TCERG1L: variants seen among roughly 807,000 people sequenced by gnomAD.
TCERG1L encodes transcription elongation regulator 1 like.
A neutral mutation model predicts 56.3 loss-of-function variants in TCERG1L; 37 were observed. The ratio of observed to expected loss-of-function variants is 0.66; its 90% CI spans 0.51 to 0.87. The LOEUF is 0.87. Among genes scored for constraint, TCERG1L ranks in the 40% least tolerant of loss-of-function variants. The probability of loss-of-function intolerance (pLI) is 0.00; values close to 1 mark genes in which losing one functional copy is unlikely to be tolerated. For synonymous variants in TCERG1L, 324 were observed against 326.3 expected (o/e 0.99, Z 0.08); for missense variants, 799 against 774.2 (o/e 1.03, Z -0.38).
In TCERG1L at chr10:131,311,310, G is replaced by A; in HGVS notation, c.326C>T (p.Pro109Leu). The A allele has an allele frequency of 3.3e-6, 4 of 1,207,316 alleles. No individual in the cohort carries two copies. The highest frequency in any genetic ancestry group is 8.3e-5 in the South Asian group (2 of 24,198). 74.8% of individuals were successfully genotyped at this position (1,207,316 alleles called of 1,614,324 possible). A position where few individuals can be genotyped will look rare whatever the true frequency, so the allele number is the denominator to read the frequency against. Residue 109 changes from proline (P) to leucine (L), a missense_variant, in exon 1 of 12, where the codon CCC (proline) becomes CTC (leucine). Physicochemically the swap from Pro to Leu is moderately conservative, Grantham distance 98 (BLOSUM62 -3). Transcript: ENST00000368642. The surrounding 1 kb of genome is among the most constrained non-coding windows in gnomAD (Gnocchi z 4.0). ...SAAAAAAHPF[P>L]ALHGQWLFGG... Reference sequence around the variant, plus strand: ...ACACGTTACCTGCCCGTGGAGCGCGGGGAAGGGGTGCGCGGCGGCGGCGGC... The same window carrying A: ...ACACGTTACCTGCCCGTGGAGCGCGAGGAAGGGGTGCGCGGCGGCGGCGGC...
chr10:131,101,709 T>C (rs1845305721), intron 10 of TCERG1L, among the ~76,000 whole-genome samples: 1 of 152,074 alleles, frequency 6.6e-6, no homozygotes, highest in African/African-American at 2.4e-5. Context: ...TGATTTTCTT[T>C]TTTTTTTTGA....
At chr10:131,159,441 G>A (rs879859324) in intron 6 of TCERG1L, among the ~76,000 whole-genome samples, 21 of 152,118 alleles carry the variant, frequency 1.4e-4, no homozygotes, top group African/African-American at 3.4e-4. Flanking sequence ...GAAAGTTCAC[G>A]GCGGCCACAG....
At chr10:131,108,734 G>C (rs912424845) in intron 9 of TCERG1L, among the ~76,000 whole-genome samples, 2 of 152,186 alleles carry the variant, frequency 1.3e-5, no homozygotes, top group Non-Finnish European at 2.9e-5. Context: ...GATCCCACTG[G>C]GCTGAGATGA....
chr10:131,277,837 G>A (rs955033580), intron 3 of TCERG1L, among the ~76,000 whole-genome samples: 4 of 151,768 alleles, frequency 2.6e-5, no homozygotes, highest in African/African-American at 9.7e-5. Context: ...CCAGGCAGAG[G>A]CCTGGAGAAT....
chr10:131,216,398 T>C (rs1009689169), intron 4 of TCERG1L, among the ~76,000 whole-genome samples: 2 of 152,212 alleles, frequency 1.3e-5, no homozygotes, highest in Non-Finnish European at 2.9e-5. Flanking sequence ...CCCTTTTCGC[T>C]ACAGTGAGGC....
intron 4 of TCERG1L, among the ~76,000 whole-genome samples, chr10:131,168,866 AG>A (rs1846060964): frequency 6.6e-6 from 1 of 152,176 alleles, no homozygotes; most frequent in Admixed American, 6.5e-5. Context: ...GGCCGACCAC[AG>A]GGCTCCCATA....
At position 131,260,424 on chromosome 10, in the gene TCERG1L, T is replaced by C; in HGVS notation, c.691A>G (p.Lys231Glu). Residue 231 changes from lysine to glutamate, a missense_variant, in exon 4 of 12, where the codon AAG becomes GAG. Physicochemically the swap from Lys to Glu is moderately conservative, Grantham distance 56. Transcript: ENST00000368642. This position sits in a 1 kb window ranked among gnomAD's most constrained non-coding sequence, Gnocchi z 5.8. ...PIPGGCHNSLKVTSSPAIAIA... is the reference protein window; with the variant it reads ...PIPGGCHNSLEVTSSPAIAIA... ...GCAATGGCGGGGCTGCTGGTCACCTTAAGGCTGTTATGGCAGCCACCTGCG... is the reference window on the plus strand; with the variant it reads ...GCAATGGCGGGGCTGCTGGTCACCTCAAGGCTGTTATGGCAGCCACCTGCG... The C allele has an allele frequency of 7.0e-7, 1 of 1,437,564 alleles. No individual in the cohort carries two copies. The highest frequency in any genetic ancestry group is 9.1e-7 in the Non-Finnish European group (1 of 1,099,792). 89.1% of individuals were successfully genotyped at this position (1,437,564 alleles called of 1,614,324 possible).
chr10:131,219,189 G>A (rs988777159), intron 4 of TCERG1L, among the ~76,000 whole-genome samples: 8 of 152,122 alleles, frequency 5.3e-5, no homozygotes, highest in Admixed American at 1.3e-4. Flanking sequence ...GGCTGCCATC[G>A]CCCTTGCCCC....
chr10:131,287,252 C>T (rs1336501677), intron 3 of TCERG1L, among the ~76,000 whole-genome samples: 1 of 152,148 alleles, frequency 6.6e-6, no homozygotes, highest in African/African-American at 2.4e-5. Context: ...CCATAGTTGT[C>T]ATGGAATTCT....
At chr10:131,223,408 G>T (rs960689318) in intron 4 of TCERG1L, among the ~76,000 whole-genome samples, 1 of 152,202 alleles carries the variant, frequency 6.6e-6, no homozygotes, top group Non-Finnish European at 1.5e-5. Flanking sequence ...AGCTTGGTTT[G>T]CATTTTGCTC....
At chr10:131,140,184 G>C (rs1345721727) in intron 7 of TCERG1L, among the ~76,000 whole-genome samples, 1 of 152,198 alleles carries the variant, frequency 6.6e-6, no homozygotes, top group Admixed American at 6.5e-5. Flanking sequence ...CGAATACAGA[G>C]AGGTCCAGTT....
At chr10:131,149,626 C>T (rs908942749) in intron 6 of TCERG1L, among the ~76,000 whole-genome samples, 2 of 152,208 alleles carry the variant, frequency 1.3e-5, no homozygotes, top group East Asian at 1.9e-4. Flanking sequence ...ACCTGCTTCC[C>T]GGGTGGAGCT....
At chr10:131,160,045 C>G (rs149168855) in intron 6 of TCERG1L, among the ~76,000 whole-genome samples, 1 of 152,274 alleles carries the variant, frequency 6.6e-6, no homozygotes, top group African/African-American at 2.4e-5. Context: ...AAACGAGAAA[C>G]GCAGTGAAGC....
intron 11 of TCERG1L, among the ~76,000 whole-genome samples, chr10:131,097,024 A>G (rs1845255708): frequency 6.6e-6 from 1 of 151,886 alleles, no homozygotes; most frequent in South Asian, 2.1e-4. Context: ...ACATGGTGAA[A>G]CCCCATCTCT....
intron 8 of TCERG1L, among the ~76,000 whole-genome samples, chr10:131,131,533 C>T (rs1845617828): frequency 6.6e-6 from 1 of 152,142 alleles, no homozygotes. Flanking sequence ...ACACTCACCA[C>T]GTAGATTAGA....
chr10:131,227,067 C>G lies in TCERG1L; in HGVS notation c.856+33192G>C, dbSNP rs1332572402. On this transcript the variant is annotated intron_variant, in intron 4 of 11. Coordinates refer to ENST00000368642, the MANE Select transcript of TCERG1L (RefSeq NM_174937.4). The stretch of plus-strand genomic sequence containing the variant: ...CAGCAAGGCTGAAAATCGGTTTCGC[C>G]CTCGGCCCTCACAGGACCCTGGAGA... Among the ~76,000 whole-genome samples, 4 of 152,230 alleles carry G rather than the reference C, an allele frequency of 2.6e-5. No individual in the cohort carries two copies. In the East Asian group the frequency reaches 7.7e-4, roughly 29 times the overall value.
At chr10:131,132,870 G>A (rs1351961803) in intron 8 of TCERG1L, among the ~76,000 whole-genome samples, 2 of 152,212 alleles carry the variant, frequency 1.3e-5, no homozygotes, top group East Asian at 1.9e-4. Context: ...CAGCCAGTGA[G>A]CCTCTGCCCT....
chr10:131,214,035 TACGCACACACAC>T lies in TCERG1L; in HGVS notation c.856+46212_856+46223del, dbSNP rs1001377229. ...ATACAAACATGCTTTTAATGTTACA[TACGCACACACAC>T]ACGCACACACACACGCACAACAGTT... On this transcript the variant is annotated intron_variant, in intron 4 of 11. Transcript: ENST00000368642. Among the ~76,000 whole-genome samples, 315 of 102,190 alleles carry T rather than the reference TACGCACACACAC, an allele frequency of 3.1e-3. 2 individuals are homozygous for T. The highest frequency in any genetic ancestry group is 9.6e-3 in the African/African-American group (281 of 29,300). The allele number at this position is 102,190 out of a possible 152,430, so 67.0% of individuals were successfully genotyped here. A position where few individuals can be genotyped will look rare whatever the true frequency, so the allele number is the denominator to read the frequency against.
chr10:131,155,915 C>T (rs1845915498), intron 6 of TCERG1L: 1 of 152,210 alleles, frequency 6.6e-6, no homozygotes, highest in Non-Finnish European at 1.5e-5. Context: ...CATTAGAGTC[C>T]CCTCCCTGAC....
Sources: gnomAD v4.1 joint callset for allele counts (sites outside exome capture counted in the v4.1 genomes callset) on GRCh38, gnomAD v4.1.1 for gene constraint, Gnocchi (gnomAD v3.1) non-coding constraint, MANE v1.5 for transcripts, NCBI Gene and HGNC (gene_info 2026-07-23, HGNC 2026-07-21) for gene names.